Variants in SOCS3 observed in about 807,000 individuals in gnomAD.
SOCS3 encodes the protein STAT-induced STAT inhibitor 3.
Under a neutral mutation model 11.7 loss-of-function variants are expected in SOCS3, and 5 were observed. That is an observed-to-expected ratio of 0.43 (90% CI 0.22 to 0.90). SOCS3 has a LOEUF of 0.90. Among genes scored for constraint, SOCS3 ranks in the 40% least tolerant of loss-of-function variants. SOCS3 has a pLI of 0.27. For synonymous variants in SOCS3, 143 were observed against 136.3 expected, an observed-to-expected ratio of 1.05 and a Z score of -0.34; for missense variants, 203 against 302.0, an observed-to-expected ratio of 0.67 and a Z score of 2.43.
In SOCS3 at chr17:78,357,059, G is replaced by A. The variant is rs1385806851; in HGVS notation, c.*1359C>T. ...AACCACCCCAACACACAACTGCCCT[G>A]TCCAGCCCAATACCTGACACAGAAT... On this transcript the variant is annotated 3_prime_UTR_variant, in exon 2 of 2. Coordinates refer to ENST00000330871, the MANE Select transcript of SOCS3 (RefSeq NM_003955.5). The surrounding 1 kb of genome is among the most constrained non-coding windows in gnomAD (Gnocchi z 7.0). 6.6e-6 allele frequency: 1 copy of A among 152,178 alleles called. No individual in the cohort carries two copies. Among genetic ancestry groups the A allele is most frequent in the Non-Finnish European group, 1.5e-5 (1 of 67,992 alleles). 9.4% of individuals were successfully genotyped at this position (152,178 alleles called of 1,614,324 possible). A position where few individuals can be genotyped will look rare whatever the true frequency, so the allele number is the denominator to read the frequency against.
Position 78,357,717 on chromosome 17 carries a change from C to G in SOCS3, c.*701G>C, listed in dbSNP as rs2081578304. 1 of 152,582 alleles carries G rather than the reference C, an allele frequency of 6.6e-6. No individual in the cohort carries two copies. Among genetic ancestry groups the G allele is most frequent in the Admixed American group, 6.5e-5 (1 of 15,294 alleles). The allele number at this position is 152,582 out of a possible 1,614,324, so 9.5% of individuals were successfully genotyped here. A position where few individuals can be genotyped will look rare whatever the true frequency, so the allele number is the denominator to read the frequency against. ...ACCAGCTGACCAGCCCATCCATCCC[C>G]TCCAAATGTTGCTTCCCCCTTAAAA... On this transcript the variant is annotated 3_prime_UTR_variant, in exon 2 of 2. Transcript: ENST00000330871. The surrounding 1 kb of genome is among the most constrained non-coding windows in gnomAD (Gnocchi z 7.0).
upstream of SOCS3, chr17:78,360,080 C>G (rs1039391172): frequency 1.1e-5 from 2 of 175,246 alleles, no homozygotes; most frequent in African/African-American, 4.8e-5. The surrounding 1 kb of genome is among the most constrained non-coding windows in gnomAD (Gnocchi z 5.6). Flanking sequence ...TCGGAGCCGC[C>G]GCGGAGGCCG....
upstream of SOCS3, chr17:78,360,636 C>T (rs2081605240): frequency 6.6e-6 from 1 of 152,332 alleles, no homozygotes; most frequent in Non-Finnish European, 1.5e-5. This position sits in a 1 kb window ranked among gnomAD's most constrained non-coding sequence, Gnocchi z 5.6. Flanking sequence ...CACAGCCAGG[C>T]AGCGGGGCTG....
At position 78,358,971 on chromosome 17, in the gene SOCS3, T is replaced by C. The variant is rs771414561; in HGVS notation, c.125A>G (p.Gln42Arg). 5.5e-5 allele frequency: 87 copies of C among 1,582,266 alleles called. No individual in the cohort carries two copies. The highest frequency in any genetic ancestry group is 5.0e-4 in the Middle Eastern group (3 of 6,032). Residue 42 changes from glutamine to arginine, a missense_variant, in exon 2 of 2, where the codon CAG becomes CGG. Coordinates refer to ENST00000330871, the MANE Select transcript of SOCS3 (RefSeq NM_003955.5). The surrounding 1 kb of genome is among the most constrained non-coding windows in gnomAD (Gnocchi z 4.7). The stretch of plus-strand genomic sequence containing the variant: ...TGCGCTCCAGTAGAAGCCGCTCTCC[T>C]GCAGCTTGCGCACTGCGTTCACCAC... Reference protein sequence around the residue: ...QLVVNAVRKLQESGFYWSAVT... With the variant: ...QLVVNAVRKLRESGFYWSAVT...
At chr17:78,359,306 G>A (rs909633052) in intron 1 of SOCS3, 123 bp from the exon 2 acceptor site, 2 of 442,076 alleles carry the variant, frequency 4.5e-6, no homozygotes, top group African/African-American at 4.2e-5. Flanking sequence ...CCCTCTCCTG[G>A]GCCCGCGCTC....
At position 78,359,176 on chromosome 17, in the gene SOCS3, C is replaced by T; in HGVS notation, c.-81G>A. 1.4e-6 allele frequency: 2 copies of T among 1,424,176 alleles called. No homozygotes were observed. Among genetic ancestry groups the T allele is most frequent in the Non-Finnish European group, 1.9e-6 (2 of 1,067,572 alleles). The allele number at this position is 1,424,176 out of a possible 1,614,324, so 88.2% of individuals were successfully genotyped here. ...TCCGCACAGCGGCCGCTACCGCATC[C>T]CGGGGGGCTGCGGAGAGGAAGGCGC... On this transcript the variant is annotated 5_prime_UTR_variant, in exon 2 of 2. Transcript: ENST00000330871.
In SOCS3 at chr17:78,359,048, C is replaced by G. The variant is rs2081590664; in HGVS notation, c.48G>C (p.Leu16=). 2 of 1,573,122 alleles carry G rather than the reference C, an allele frequency of 1.3e-6. No homozygotes were observed. Among genetic ancestry groups the G allele is most frequent in the Non-Finnish European group, 1.7e-6 (2 of 1,159,176 alleles). ...KFPAAGMSRP[L]DTSLRLKTFS... Reference sequence around the variant, plus strand: ...AGGTCTTGAGGCGCAGGCTGGTGTCCAGGGGGCGGCTCATCCCGGCGGCGG... The same window carrying G: ...AGGTCTTGAGGCGCAGGCTGGTGTCGAGGGGGCGGCTCATCCCGGCGGCGG... The change falls in exon 2 of 2, where the codon CTG becomes CTC. Residue 16 remains leucine (L), a synonymous_variant. Coordinates refer to ENST00000330871, the MANE Select transcript of SOCS3 (RefSeq NM_003955.5).
chr17:78,358,677 G>T lies in SOCS3; in HGVS notation c.419C>A (p.Pro140His). Residue 140 changes from proline to histidine, a missense_variant, in exon 2 of 2, where the codon CCT (proline) becomes CAT (histidine). Pro to His is a moderately conservative substitution (Grantham distance 77). Coordinates refer to ENST00000330871, the MANE Select transcript of SOCS3 (RefSeq NM_003955.5). This position sits in a 1 kb window ranked among gnomAD's most constrained non-coding sequence, Gnocchi z 4.7. The stretch of plus-strand genomic sequence containing the variant: ...GGGCACCTCGGAGGAGGGTTCAGTA[G>T]GTGGCGAGGGGAAGGAGGGGGCTCC... Reference protein sequence around the residue: ...PPGAPSFPSPPTEPSSEVPEQ... With the variant: ...PPGAPSFPSPHTEPSSEVPEQ... 1 of 1,608,058 alleles carries T rather than the reference G, an allele frequency of 6.2e-7. No homozygotes were observed.
chr17:78,359,145 G>C lies in SOCS3; in HGVS notation c.-50C>G. 1 of 1,506,622 alleles carries C rather than the reference G, an allele frequency of 6.6e-7. No individual in the cohort carries two copies. The highest frequency in any genetic ancestry group is 8.9e-7 in the Non-Finnish European group (1 of 1,124,084). The allele number at this position is 1,506,622 out of a possible 1,614,324, so 93.3% of individuals were successfully genotyped here. A position where few individuals can be genotyped will look rare whatever the true frequency, so the allele number is the denominator to read the frequency against. ...GCGCGGCGGCGGCTGCAGCTGCTTC[G>C]CGGCCTCCGCACAGCGGCCGCTACC... On this transcript the variant is annotated 5_prime_UTR_variant, in exon 2 of 2. Coordinates refer to ENST00000330871, the MANE Select transcript of SOCS3 (RefSeq NM_003955.5).
intron 1 of SOCS3, among the ~76,000 whole-genome samples, chr17:78,359,423 T>G (rs1467370079): frequency 6.6e-6 from 1 of 151,762 alleles, no homozygotes; most frequent in African/African-American, 2.4e-5. Flanking sequence ...CGTGGGAAAC[T>G]CGCGCGCGGA....
rs765126745 is a variant in SOCS3 at position 78,359,034 on chromosome 17, C to G, written c.62G>C (p.Arg21Pro). 6.4e-7 allele frequency: 1 copy of G among 1,573,046 alleles called. No individual in the cohort carries two copies. Among genetic ancestry groups the G allele is most frequent in the South Asian group, 1.2e-5 (1 of 86,126 alleles). Residue 21 changes from arginine (R) to proline (P), a missense_variant, in exon 2 of 2, where the codon CGC (arginine) becomes CCC (proline). Coordinates refer to ENST00000330871, the MANE Select transcript of SOCS3 (RefSeq NM_003955.5). ...GMSRPLDTSL[R>P]LKTFSSKSEY... Reference sequence around the variant, plus strand: ...GCTCTTGGAGCTGAAGGTCTTGAGGCGCAGGCTGGTGTCCAGGGGGCGGCT... The same window carrying G: ...GCTCTTGGAGCTGAAGGTCTTGAGGGGCAGGCTGGTGTCCAGGGGGCGGCT...
Position 78,357,973 on chromosome 17 carries a change from T to TCAGGACC in SOCS3, c.*444_*445insGGTCCTG, listed in dbSNP as rs1328545651. On this transcript the variant is annotated 3_prime_UTR_variant, in exon 2 of 2. Coordinates refer to ENST00000330871, the MANE Select transcript of SOCS3 (RefSeq NM_003955.5). This position sits in a 1 kb window ranked among gnomAD's most constrained non-coding sequence, Gnocchi z 7.0. Reference sequence around the variant, plus strand: ...CCGCAGCCCTGGGGCCCTCAGGACCTCTCTCTCTTCCACCTTTCCCAGGCT... The same window carrying TCAGGACC: ...CCGCAGCCCTGGGGCCCTCAGGACCTCAGGACCCTCTCTCTTCCACCTTTCCCAGGCT... The TCAGGACC allele has an allele frequency of 5.7e-6, 1 of 174,128 alleles. No homozygotes were observed. The highest frequency in any genetic ancestry group is 2.4e-5 in the African/African-American group (1 of 41,754). The allele number at this position is 174,128 out of a possible 1,614,324, so 10.8% of individuals were successfully genotyped here.
Position 78,358,116 on chromosome 17 carries a change from G to A in SOCS3, c.*302C>T. The A allele has an allele frequency of 2.5e-6, 1 of 405,070 alleles. No individual in the cohort carries two copies. Among genetic ancestry groups the A allele is most frequent in the Non-Finnish European group, 4.5e-6 (1 of 220,192 alleles). 25.1% of individuals were successfully genotyped at this position (405,070 alleles called of 1,614,324 possible). ...TTCCCGAAGTGTCCCCTGTTTGGAG[G>A]CAGAGGGGAAGCTGAGGAATTGAAG... On this transcript the variant is annotated 3_prime_UTR_variant, in exon 2 of 2. Coordinates refer to ENST00000330871, the MANE Select transcript of SOCS3 (RefSeq NM_003955.5). This position sits in a 1 kb window ranked among gnomAD's most constrained non-coding sequence, Gnocchi z 4.7.
chr17:78,360,805 C>G (rs1031095549), upstream of SOCS3: 2 of 152,664 alleles, frequency 1.3e-5, no homozygotes, highest in Admixed American at 1.3e-4. The surrounding 1 kb of genome is among the most constrained non-coding windows in gnomAD (Gnocchi z 5.6). Flanking sequence ...GAGTGTGGAG[C>G]CCCCCTCCCC....
In SOCS3 at chr17:78,359,862, C is replaced by T. The variant is rs997810540; in HGVS notation, c.-201G>A. 6.4e-6 allele frequency: 1 copy of T among 156,054 alleles called. No individual in the cohort carries two copies. Among genetic ancestry groups the T allele is most frequent in the African/African-American group, 2.4e-5 (1 of 41,516 alleles). 9.7% of individuals were successfully genotyped at this position (156,054 alleles called of 1,614,324 possible). A position where few individuals can be genotyped will look rare whatever the true frequency, so the allele number is the denominator to read the frequency against. On this transcript the variant is annotated 5_prime_UTR_variant, in exon 1 of 2. Coordinates refer to ENST00000330871, the MANE Select transcript of SOCS3 (RefSeq NM_003955.5). Reference sequence around the variant, plus strand: ...CGCGCTGCGCCCAGATGTTGGCGGCCGTGAAGTCCACAAAGGAGCCTTCGC... The same window carrying T: ...CGCGCTGCGCCCAGATGTTGGCGGCTGTGAAGTCCACAAAGGAGCCTTCGC...
rs2081584468 is a variant in SOCS3 at position 78,358,450 on chromosome 17, C to G, written c.646G>C (p.Glu216Gln). 6.2e-7 allele frequency: 1 copy of G among 1,613,770 alleles called. No individual in the cohort carries two copies. Among genetic ancestry groups the G allele is most frequent in the Non-Finnish European group, 8.5e-7 (1 of 1,180,006 alleles). The stretch of plus-strand genomic sequence containing the variant: ...GGGGCATCGTACTGGTCCAGGAACT[C>G]CCGAATGGGCCCCGGCAGCTGGGTG... ...KVTQLPGPIR[E>Q]FLDQYDAPL Residue 216 changes from glutamate to glutamine, a missense_variant, in exon 2 of 2, where the codon GAG (glutamate) becomes CAG (glutamine). By Grantham distance (29) the Glu-to-Gln change is conservative. Around this residue, in one of 3 missense-constraint regions of SOCS3, gnomAD observed 141 missense variants for 200.5 expected, o/e 0.70. Coordinates refer to ENST00000330871, the MANE Select transcript of SOCS3 (RefSeq NM_003955.5). This position sits in a 1 kb window ranked among gnomAD's most constrained non-coding sequence, Gnocchi z 4.7.
In SOCS3 at chr17:78,358,170, C is replaced by T; in HGVS notation, c.*248G>A. ...AATCCACTTGTGGTTGCTATCGTCCCACCAGGACAGCTGGCTCCTCCGGAG... is the reference window on the plus strand; with the variant it reads ...AATCCACTTGTGGTTGCTATCGTCCTACCAGGACAGCTGGCTCCTCCGGAG... On this transcript the variant is annotated 3_prime_UTR_variant, in exon 2 of 2. Transcript: ENST00000330871. The surrounding 1 kb of genome is among the most constrained non-coding windows in gnomAD (Gnocchi z 4.7). The T allele has an allele frequency of 1.9e-6, 1 of 534,462 alleles. No homozygotes were observed. The highest frequency in any genetic ancestry group is 3.4e-6 in the Non-Finnish European group (1 of 298,058). The allele number at this position is 534,462 out of a possible 1,614,324, so 33.1% of individuals were successfully genotyped here.
At position 78,359,957 on chromosome 17, in the gene SOCS3, G is replaced by A. The variant is rs530891814; in HGVS notation, c.-296C>T. On this transcript the variant is annotated 5_prime_UTR_variant, in exon 1 of 2. Coordinates refer to ENST00000330871, the MANE Select transcript of SOCS3 (RefSeq NM_003955.5). ...GCGCACCCCCGGACCAACCGGGAGG[G>A]GACCAGGAGAGGGACCGCGGCAAGG... 8 of 185,220 alleles carry A rather than the reference G, an allele frequency of 4.3e-5. No individual in the cohort carries two copies. In the South Asian group the frequency reaches 1.3e-3, roughly 31 times the overall value. The allele number at this position is 185,220 out of a possible 1,614,324, so 11.5% of individuals were successfully genotyped here. A position where few individuals can be genotyped will look rare whatever the true frequency, so the allele number is the denominator to read the frequency against.
chr17:78,360,351 G>T (rs1025268892), upstream of SOCS3: 1 of 150,866 alleles, frequency 6.6e-6, no homozygotes, highest in Non-Finnish European at 1.5e-5. This position sits in a 1 kb window ranked among gnomAD's most constrained non-coding sequence, Gnocchi z 5.6. Context: ...GTTCCTGGCA[G>T]CGGCCCCTCC....
Sources: gnomAD v4.1 joint callset for allele counts (sites outside exome capture counted in the v4.1 genomes callset) on GRCh38, gnomAD v4.1.1 for gene constraint, gnomAD v4.1.1 regional missense constraint, Gnocchi (gnomAD v3.1) non-coding constraint, MANE v1.5 for transcripts, NCBI Gene and HGNC (gene_info 2026-07-23, HGNC 2026-07-21) for gene names.